Variants in SGMS1 observed in about 807,000 individuals in gnomAD.
The protein encoded by SGMS1 is phosphatidylcholine:ceramide cholinephosphotransferase 1.
A neutral mutation model predicts 46.2 loss-of-function variants in SGMS1; 13 were observed. That is an observed-to-expected ratio of 0.28 (90% CI 0.18 to 0.45). SGMS1 has a LOEUF of 0.45. Among genes scored for constraint, SGMS1 ranks in the 20% least tolerant of loss-of-function variants. The pLI is 1.00. For missense variants in SGMS1, 324 were observed against 519.9 expected, an observed-to-expected ratio of 0.62 and a Z score of 3.66; for synonymous variants, 203 against 187.8, an observed-to-expected ratio of 1.08 and a Z score of -0.66.
chr10:50,309,683 C>G (rs1450787387), intron 9 of SGMS1, among the ~76,000 whole-genome samples: 1 of 152,194 alleles, frequency 6.6e-6, no homozygotes, highest in Non-Finnish European at 1.5e-5. Context: ...TATCTGCTCA[C>G]GTACTAAGTA....
chr10:50,366,817 G>A (rs544621316), intron 6 of SGMS1, among the ~76,000 whole-genome samples: 35 of 152,232 alleles, frequency 2.3e-4, no homozygotes, highest in African/African-American at 5.3e-4. Flanking sequence ...GGGGGGCTAG[G>A]GGAGGGATAA....
chr10:50,623,567 C>G (rs746429724), intron 1 of SGMS1, 140 bp downstream of exon 1: 225 of 984,752 alleles, frequency 2.3e-4, no homozygotes, highest in Non-Finnish European at 2.7e-4. Flanking sequence ...CGCGCGGCAC[C>G]GCGCGGGCTG....
chr10:50,357,102 A>C (rs1589404254), intron 6 of SGMS1, among the ~76,000 whole-genome samples: 2 of 152,060 alleles, frequency 1.3e-5, no homozygotes, highest in Non-Finnish European at 2.9e-5. Flanking sequence ...GAAAAACAGC[A>C]CGTGTTCATT....
At chr10:50,415,044 C>T (rs191966215) in intron 6 of SGMS1, among the ~76,000 whole-genome samples, 2 of 152,298 alleles carry the variant, frequency 1.3e-5, no homozygotes, top group African/African-American at 4.8e-5. Context: ...TGGCGTCAAC[C>T]CGGGAGGCGG....
chr10:50,622,187 T>G lies in SGMS1; in HGVS notation c.-684+1520A>C, dbSNP rs368879414. Among the ~76,000 whole-genome samples, 65 of 152,316 alleles carry G rather than the reference T, an allele frequency of 4.3e-4. No individual in the cohort carries two copies. The East Asian group carries it at 8.3e-3, about 19-fold the overall frequency. ...TCACCAAACATCCCTGGGCTTCCCT[T>G]GGAGCACTGACCAGACAGGCACCCA... is the stretch of plus-strand genomic sequence containing the variant. On this transcript the variant is annotated intron_variant, in intron 1 of 10. Coordinates refer to ENST00000361781, the MANE Select transcript of SGMS1 (RefSeq NM_147156.4).
intron 6 of SGMS1, among the ~76,000 whole-genome samples, chr10:50,392,188 G>GT (rs1848780032): frequency 1.3e-5 from 1 of 74,974 alleles, no homozygotes; most frequent in South Asian, 4.5e-4. Context: ...TAAAGTAAAA[G>GT]TTAAAAAAAA....
At chr10:50,567,940 T>G (rs1838304115) in intron 2 of SGMS1, among the ~76,000 whole-genome samples, 1 of 152,236 alleles carries the variant, frequency 6.6e-6, no homozygotes, top group African/African-American at 2.4e-5. Context: ...TTTAAACGTT[T>G]TTAGAAAATG....
At chr10:50,308,253 C>T (rs962971900) in intron 9 of SGMS1, 105 bp from the exon 10 acceptor site, 2 of 1,019,542 alleles carry the variant, frequency 2.0e-6, no homozygotes, top group Non-Finnish European at 2.8e-6. Context: ...TTGAGTCTTC[C>T]CTTCTGAAAA....
chr10:50,312,237 T>C (rs995275810), intron 8 of SGMS1, among the ~76,000 whole-genome samples: 38 of 151,966 alleles, frequency 2.5e-4, no homozygotes, highest in African/African-American at 8.9e-4. Context: ...TATAAGAATC[T>C]AGCTTTGGGC....
rs1322430640 is a variant in SGMS1 at position 50,495,267 on chromosome 10, A to T, written c.-498+24564T>A. ...AAAAAAAAAAAAAAAGTTAAGAAAA[A>T]AAAAAAAGGATGTGCTGTATCTGTC... On this transcript the variant is annotated intron_variant, in intron 3 of 10. Coordinates refer to ENST00000361781, the MANE Select transcript of SGMS1 (RefSeq NM_147156.4). Among the ~76,000 whole-genome samples, 10 of 145,732 alleles carry T rather than the reference A, an allele frequency of 6.9e-5. No individual in the cohort carries two copies. In the East Asian group the frequency reaches 1.7e-3, roughly 25 times the overall value.
intron 5 of SGMS1, among the ~76,000 whole-genome samples, chr10:50,454,066 A>AG (rs752934088): frequency 0.022 from 3,239 of 148,526 alleles, 62 homozygotes; most frequent in East Asian, 0.047. Flanking sequence ...AAAAAAAAAA[A>AG]AAAGAAAGAA....
At chr10:50,468,304 G>A (rs1283037253) in intron 3 of SGMS1, among the ~76,000 whole-genome samples, 1 of 152,136 alleles carries the variant, frequency 6.6e-6, no homozygotes, top group African/African-American at 2.4e-5. Flanking sequence ...AACAAAAAGA[G>A]AGAGATTCAT....
chr10:50,347,136 A>G (rs1847927287), intron 6 of SGMS1, among the ~76,000 whole-genome samples: 1 of 152,190 alleles, frequency 6.6e-6, no homozygotes, highest in Non-Finnish European at 1.5e-5. Flanking sequence ...TCCTGTGACT[A>G]AGTGTCTGTC....
intron 6 of SGMS1, among the ~76,000 whole-genome samples, chr10:50,399,970 A>G (rs908134612): frequency 1.1e-4 from 17 of 151,144 alleles, no homozygotes; most frequent in Non-Finnish European, 2.5e-4. Flanking sequence ...CAGAGCTTGC[A>G]GTGAGCCGGG....
At chr10:50,335,696 A>C (rs968524736) in intron 7 of SGMS1, 2 of 152,240 alleles carry the variant, frequency 1.3e-5, no homozygotes, top group African/African-American at 4.8e-5. Context: ...GAGGAGGGAA[A>C]TAGACAATCC....
chr10:50,503,053 T>G lies in SGMS1; in HGVS notation c.-498+16778A>C, dbSNP rs1418719095. On this transcript the variant is annotated intron_variant, in intron 3 of 10. Coordinates refer to ENST00000361781, the MANE Select transcript of SGMS1 (RefSeq NM_147156.4). ...AAGAATCATTTTCTCCAACCCTACC[T>G]AGCATGGGAAGAACCACCTTAACTG... Among the ~76,000 whole-genome samples, 4 of 152,202 alleles carry G rather than the reference T, an allele frequency of 2.6e-5. No individual in the cohort carries two copies. In the East Asian group the frequency reaches 7.7e-4, roughly 29 times the overall value.
rs1757727756 is a variant in SGMS1 at position 50,623,722 on chromosome 10, G to C, written c.-699C>G. ...CACGACTCACTTGCACTGGAGTCACGGCAGCCGCCGGAATTCCGCTCGCGG... is the reference window on the plus strand; with the variant it reads ...CACGACTCACTTGCACTGGAGTCACCGCAGCCGCCGGAATTCCGCTCGCGG... On this transcript the variant is annotated 5_prime_UTR_variant, in exon 1 of 11. Coordinates refer to ENST00000361781, the MANE Select transcript of SGMS1 (RefSeq NM_147156.4). 3.0e-6 allele frequency: 3 copies of C among 985,278 alleles called. No individual in the cohort carries two copies. Among genetic ancestry groups the C allele is most frequent in the African/African-American group, 1.7e-5 (1 of 57,226 alleles). The allele number at this position is 985,278 out of a possible 1,614,324, so 61.0% of individuals were successfully genotyped here.
intron 3 of SGMS1, among the ~76,000 whole-genome samples, chr10:50,519,189 A>C (rs1234772682): frequency 6.6e-6 from 1 of 152,246 alleles, no homozygotes; most frequent in African/African-American, 2.4e-5. Flanking sequence ...TTATATATAC[A>C]GACATAGTAA....
At chr10:50,447,168 T>G (rs1336189617) in intron 5 of SGMS1, among the ~76,000 whole-genome samples, 4 of 152,194 alleles carry the variant, frequency 2.6e-5, no homozygotes, top group Admixed American at 2.6e-4. Flanking sequence ...CTTTTAACAA[T>G]TCAAGGGAGA....
Sources: gnomAD v4.1 joint callset for allele counts (sites outside exome capture counted in the v4.1 genomes callset) on GRCh38, gnomAD v4.1.1 for gene constraint, MANE v1.5 for transcripts, NCBI Gene and HGNC (gene_info 2026-07-23, HGNC 2026-07-21) for gene names.